Variants in NRG1 observed in about 807,000 individuals in gnomAD.
NRG1 encodes the protein pro-neuregulin-1, membrane-bound isoform.
NRG1 carries 18 observed loss-of-function variants against 63.8 expected under a neutral mutation model. The observed-to-expected ratio is 0.28, with a 90% CI of 0.19 to 0.42. NRG1 has a LOEUF of 0.42. NRG1 is among the 10% of genes least tolerant of loss of function. NRG1 has a pLI of 1.00. For missense variants in NRG1, 762 were observed against 814.7 expected, an observed-to-expected ratio of 0.94 and a Z score of 0.79; for synonymous variants, 302 against 301.3, an observed-to-expected ratio of 1.00 and a Z score of -0.02.
intron 1 of NRG1, among the ~76,000 whole-genome samples, chr8:32,424,241 T>G (rs2129486318): frequency 6.6e-6 from 1 of 152,230 alleles, no homozygotes; most frequent in East Asian, 1.9e-4. Context: ...CTCCATTTCT[T>G]GACTTGTGGC....
rs551588988 is a variant in NRG1 at position 32,537,975 on chromosome 8, C to T, written c.38-57853C>T. Among the ~76,000 whole-genome samples, 28 of 152,242 alleles carry T rather than the reference C, an allele frequency of 1.8e-4. No individual in the cohort carries two copies. The Middle Eastern group carries it at 0.01, about 55-fold the overall frequency. Reference sequence around the variant, plus strand: ...CAAGTGATTCTCCTCCCTCAGCCTCCGGAGTAGCTGGGATAACAAGCACGC... The same window carrying T: ...CAAGTGATTCTCCTCCCTCAGCCTCTGGAGTAGCTGGGATAACAAGCACGC... On this transcript the variant is annotated intron_variant, in intron 1 of 10. Coordinates refer to the NRG1 transcript ENST00000519301.
intron 1 of NRG1, among the ~76,000 whole-genome samples, chr8:31,674,911 C>T (rs1167556562): frequency 6.6e-6 from 1 of 152,194 alleles, no homozygotes; most frequent in Non-Finnish European, 1.5e-5. Flanking sequence ...CTATCCTTTC[C>T]TTACTCCATT....
chr8:31,740,574 A>G (rs868578724), intron 1 of NRG1, among the ~76,000 whole-genome samples: 3 of 152,036 alleles, frequency 2.0e-5, no homozygotes, highest in South Asian at 2.1e-4. Context: ...TTCATTACTA[A>G]CAAAAAATTG....
intron 1 of NRG1, among the ~76,000 whole-genome samples, chr8:32,480,393 G>A (rs1008582373): frequency 6.7e-6 from 1 of 148,852 alleles, no homozygotes; most frequent in Non-Finnish European, 1.5e-5. Flanking sequence ...ACAGCATGGT[G>A]ACCACAGTTA....
intron 5 of NRG1, among the ~76,000 whole-genome samples, chr8:32,670,609 A>G (rs1428278495): frequency 6.6e-6 from 1 of 152,226 alleles, no homozygotes; most frequent in Non-Finnish European, 1.5e-5. Flanking sequence ...ATATATGCAG[A>G]AATGGTGAAA....
At chr8:32,758,644 A>C (rs950048495) in intron 9 of NRG1, among the ~76,000 whole-genome samples, 2 of 151,726 alleles carry the variant, frequency 1.3e-5, no homozygotes, top group African/African-American at 4.8e-5. Context: ...GAAAAGTAGA[A>C]TCTACCTGCA....
intron 1 of NRG1, among the ~76,000 whole-genome samples, chr8:32,292,923 G>A (rs906298128): frequency 6.6e-6 from 1 of 152,072 alleles, no homozygotes; most frequent in African/African-American, 2.4e-5. Context: ...GACCAATATG[G>A]TGAAACCCCG....
chr8:32,624,846 T>C (rs1340808704), intron 5 of NRG1, among the ~76,000 whole-genome samples: 1 of 152,148 alleles, frequency 6.6e-6, no homozygotes, highest in African/African-American at 2.4e-5. Context: ...ATATGGATCC[T>C]TTAAAAAAAA....
chr8:32,516,589 ATC>A (rs1264886533), intron 1 of NRG1, among the ~76,000 whole-genome samples: 1 of 151,890 alleles, frequency 6.6e-6, no homozygotes, highest in African/African-American at 2.4e-5. Context: ...TGCTTGTGTC[ATC>A]TGTTTGTTTC....
chr8:32,630,349 G>A lies in NRG1; in HGVS notation c.502+13464G>A, dbSNP rs547340782. Among the ~76,000 whole-genome samples, 11 of 152,166 alleles carry A rather than the reference G, an allele frequency of 7.2e-5. No individual in the cohort carries two copies. The East Asian group carries it at 1.9e-3, about 27-fold the overall frequency. On this transcript the variant is annotated intron_variant, in intron 5 of 11. Transcript: ENST00000356819. ...GGTGTTAAAGGTAGAACAATTTTAG[G>A]TACCAAATTATATTTATTTGATACT...
intron 1 of NRG1, among the ~76,000 whole-genome samples, chr8:31,992,277 G>A (rs1291448783): frequency 6.6e-6 from 1 of 152,022 alleles, no homozygotes; most frequent in Non-Finnish European, 1.5e-5. Context: ...TTTCTGAAAG[G>A]AAAAGGGGGT....
At chr8:32,413,242 A>G (rs539636827) in intron 1 of NRG1, among the ~76,000 whole-genome samples, 1 of 152,336 alleles carries the variant, frequency 6.6e-6, no homozygotes, top group African/African-American at 2.4e-5. Flanking sequence ...GATTGGTTAA[A>G]TGTTCTATGA....
chr8:32,242,598 A>C (rs1848217150), intron 1 of NRG1, among the ~76,000 whole-genome samples: 1 of 152,198 alleles, frequency 6.6e-6, no homozygotes, highest in Admixed American at 6.6e-5. Flanking sequence ...GTGATTATTA[A>C]TCATCTTATT....
chr8:32,496,276 C>G (rs926795482), intron 1 of NRG1, among the ~76,000 whole-genome samples: 1 of 152,088 alleles, frequency 6.6e-6, no homozygotes, highest in Non-Finnish European at 1.5e-5. Context: ...CAGAGAAAAT[C>G]CCTGAACATT....
chr8:31,955,727 A>AT (rs576031933), intron 1 of NRG1, among the ~76,000 whole-genome samples: 4 of 151,872 alleles, frequency 2.6e-5, no homozygotes, highest in Admixed American at 6.6e-5. Flanking sequence ...TCTGAGGGTG[A>AT]TTTTTTTTAA....
chr8:32,235,463 G>A (rs1436464412), intron 1 of NRG1, among the ~76,000 whole-genome samples: 1 of 152,000 alleles, frequency 6.6e-6, no homozygotes, highest in Non-Finnish European at 1.5e-5. Context: ...GGCTAACAGA[G>A]TCTCCATATC....
intron 1 of NRG1, chr8:32,030,438 C>T (rs753468290): frequency 6.6e-6 from 1 of 152,154 alleles, no homozygotes; most frequent in Non-Finnish European, 1.5e-5. Flanking sequence ...AAAGTCACCC[C>T]GATGCTGTCT....
At chr8:32,065,894 G>C (rs917734311) in intron 1 of NRG1, among the ~76,000 whole-genome samples, 8 of 152,114 alleles carry the variant, frequency 5.3e-5, no homozygotes, top group Non-Finnish European at 1.0e-4. Context: ...GGTGTGAGAC[G>C]GTATCTCATT....
intron 1 of NRG1, among the ~76,000 whole-genome samples, chr8:32,469,767 C>G (rs1382393246): frequency 1.3e-5 from 2 of 152,044 alleles, no homozygotes; most frequent in Admixed American, 6.6e-5. Flanking sequence ...CCCGAGAATC[C>G]TAAGAGAGGA....
Sources: allele counts gnomAD v4.1 joint callset (sites outside exome capture counted in the v4.1 genomes callset), GRCh38; gene constraint gnomAD v4.1.1; transcripts MANE v1.5; gene names NCBI Gene and HGNC (gene_info 2026-07-23, HGNC 2026-07-21).